Variants in DAO observed in about 807,000 individuals in gnomAD.
DAO encodes D-amino acid oxidase.
A neutral mutation model predicts 50.1 loss-of-function variants in DAO; 51 were observed. The ratio of observed to expected loss-of-function variants is 1.02; its 90% confidence interval spans 0.81 to 1.29. The LOEUF (loss-of-function observed/expected upper bound fraction) is 1.29. Ranked by LOEUF, DAO falls within the 50% of genes most tolerant of loss-of-function variation. The probability of loss-of-function intolerance (pLI) is 0.00; values close to 1 mark genes in which losing one functional copy is unlikely to be tolerated. For synonymous variants in DAO, 160 were observed against 166.2 expected, an observed-to-expected ratio of 0.96 and a Z score of 0.29; for missense variants, 436 against 439.4, an observed-to-expected ratio of 0.99 and a Z score of 0.07.
chr12:108,899,643 A>G (rs2039600741), intron 10 of DAO, 168 bp downstream of exon 10: 1 of 689,948 alleles, frequency 1.4e-6, no homozygotes, highest in African/African-American at 1.8e-5. Flanking sequence ...CTGAGGCTCA[A>G]TGATGGTTAA....
intron 1 of DAO, among the ~76,000 whole-genome samples, chr12:108,881,946 T>C (rs1162427350): frequency 1.3e-5 from 2 of 152,064 alleles, no homozygotes; most frequent in Admixed American, 1.3e-4. Context: ...ACTCTAAAAA[T>C]TCCTACAGGC....
At chr12:108,887,372 C>T in intron 2 of DAO, 78 bp from the exon 3 acceptor site, 2 of 1,022,948 alleles carry the variant, frequency 2.0e-6, no homozygotes, top group Non-Finnish European at 3.1e-6. Context: ...GATCATGCCA[C>T]AGCCCCATGC....
Position 108,899,335 on chromosome 12 carries a change from A to G in DAO, c.814-42A>G. The stretch of plus-strand genomic sequence containing the variant: ...CTACTACCTAAAAATGGCAGCAGGA[A>G]AAAAAAATCCAGAAATGAGTGATCA... On this transcript the variant is annotated intron_variant, in intron 9 of 10. Coordinates refer to ENST00000228476, the MANE Select transcript of DAO (RefSeq NM_001917.5). 2.6e-6 allele frequency: 4 copies of G among 1,546,598 alleles called. No homozygotes were observed. The South Asian group carries it at 3.4e-5, about 13-fold the overall frequency.
chr12:108,881,491 A>G (rs1342528798), intron 1 of DAO, among the ~76,000 whole-genome samples: 1 of 150,086 alleles, frequency 6.7e-6, no homozygotes, highest in Admixed American at 6.6e-5. Flanking sequence ...ACACACACAC[A>G]CACACACACA....
intron 3 of DAO, 84 bp downstream of exon 3, chr12:108,887,648 A>G (rs1308245739): frequency 1.1e-5 from 11 of 967,116 alleles, no homozygotes; most frequent in Non-Finnish European, 1.9e-5. Context: ...TTAATCACAG[A>G]TGAGGGCGGG....
chr12:108,885,393 G>C (rs2039425363), intron 2 of DAO, among the ~76,000 whole-genome samples, 193 bp downstream of exon 2: 1 of 152,166 alleles, frequency 6.6e-6, no homozygotes, highest in Non-Finnish European at 1.5e-5. Flanking sequence ...AGGATCACTT[G>C]AGGCCAGGAG....
intron 1 of DAO, among the ~76,000 whole-genome samples, chr12:108,883,426 G>A (rs1203336663): frequency 2.6e-5 from 4 of 152,210 alleles, no homozygotes; most frequent in Non-Finnish European, 5.9e-5. Context: ...GATTACAGGC[G>A]TAAGCCACTG....
rs1485719146 is a variant in DAO, at chr12:108,887,576, G to A, written c.309+12G>A. On this transcript the variant is annotated intron_variant, in intron 3 of 10. Transcript: ENST00000228476. ...ATGAAGCCATTCCGGTGGGTGAACA[G>A]TTCTTGACCATGAGGGATGAGCACC... is the stretch of plus-strand genomic sequence containing the variant. 1.3e-6 allele frequency: 2 copies of A among 1,592,750 alleles called. No individual in the cohort carries two copies. Among genetic ancestry groups the A allele is most frequent in the Non-Finnish European group, 1.7e-6 (2 of 1,160,840 alleles).
chr12:108,890,828 T>C (rs992850431), intron 5 of DAO, among the ~76,000 whole-genome samples: 69 of 152,334 alleles, frequency 4.5e-4, no homozygotes, highest in Non-Finnish European at 8.7e-4. Flanking sequence ...ATACCTTTTT[T>C]GTGTGTGTGA....
intron 7 of DAO, among the ~76,000 whole-genome samples, chr12:108,895,150 G>A (rs531474062): frequency 7.4e-5 from 11 of 148,846 alleles, no homozygotes; most frequent in Non-Finnish European, 1.2e-4. Context: ...ACGGTAGTAC[G>A]CAGTGCAATT....
intron 8 of DAO, among the ~76,000 whole-genome samples, chr12:108,897,760 C>A (rs1383591681): frequency 1.3e-5 from 2 of 151,984 alleles, no homozygotes; most frequent in African/African-American, 2.4e-5. Context: ...CCAGCTTGGG[C>A]AACATGGCAA....
In DAO at chr12:108,900,736, C is replaced by A; in HGVS notation, c.*201C>A. 1.8e-6 allele frequency: 1 copy of A among 553,556 alleles called. No individual in the cohort carries two copies. The allele number at this position is 553,556 out of a possible 1,614,324, so 34.3% of individuals were successfully genotyped here. ...CCCTCTCATCACTGAAATCCCTCTA[C>A]CTTCTCTGGGTCTGGCATTATAAAG... On this transcript the variant is annotated 3_prime_UTR_variant, in exon 11 of 11. Coordinates refer to ENST00000228476, the MANE Select transcript of DAO (RefSeq NM_001917.5).
At position 108,880,146 on chromosome 12, in the gene DAO, A is replaced by C. The variant is rs1211970527; in HGVS notation, c.-88A>C. 1 of 456,692 alleles carries C rather than the reference A, an allele frequency of 2.2e-6. No homozygotes were observed. The highest frequency in any genetic ancestry group is 2.3e-5 in the Admixed American group (1 of 42,580). 28.3% of individuals were successfully genotyped at this position (456,692 alleles called of 1,614,324 possible). A position where few individuals can be genotyped will look rare whatever the true frequency, so the allele number is the denominator to read the frequency against. On this transcript the variant is annotated 5_prime_UTR_variant, in exon 1 of 11. Transcript: ENST00000228476. ...GCTGGAAACAAGACGCTCCAGAATCAGGAGCTTCCCCTCAGGAAATAGCAT... is the reference window on the plus strand; with the variant it reads ...GCTGGAAACAAGACGCTCCAGAATCCGGAGCTTCCCCTCAGGAAATAGCAT...
chr12:108,898,564 T>G, intron 8 of DAO, 115 bp from the exon 9 acceptor site: 1 of 786,852 alleles, frequency 1.3e-6, no homozygotes, highest in Non-Finnish European at 2.3e-6. Flanking sequence ...ACAGTGGCAA[T>G]TGAGGTAGTG....
chr12:108,880,495 A>G (rs1369030267), intron 1 of DAO: 2 of 252,412 alleles, frequency 7.9e-6, no homozygotes, highest in African/African-American at 2.2e-5. Flanking sequence ...GAGGTGGTGC[A>G]TGTAAAGTGC....
At chr12:108,880,821 G>A (rs754159373) in intron 1 of DAO, among the ~76,000 whole-genome samples, 3 of 152,004 alleles carry the variant, frequency 2.0e-5, no homozygotes, top group Admixed American at 6.6e-5. Context: ...GAGGTCCTAG[G>A]CAGATAAATG....
At chr12:108,884,890 C>A in intron 1 of DAO, 108 bp from the exon 2 acceptor site, 1 of 1,018,534 alleles carries the variant, frequency 9.8e-7, no homozygotes, top group Non-Finnish European at 1.6e-6. Context: ...ATAAAAAGGG[C>A]TTGGTGGTGT....
At chr12:108,886,858 C>T (rs1461739762) in intron 2 of DAO, among the ~76,000 whole-genome samples, 2 of 152,182 alleles carry the variant, frequency 1.3e-5, no homozygotes, top group Non-Finnish European at 2.9e-5. Context: ...ATGGCTCTGC[C>T]GTTTTTCCAC....
Position 108,900,628 on chromosome 12 carries a change from C to A in DAO, c.*93C>A. On this transcript the variant is annotated 3_prime_UTR_variant, in exon 11 of 11. Coordinates refer to ENST00000228476, the MANE Select transcript of DAO (RefSeq NM_001917.5). ...CTCCTTCATAAGCCATTGCTTCTCC[C>A]TCACTTCTTTCCTCAAAGAAGCATG... The A allele has an allele frequency of 6.5e-7, 1 of 1,537,358 alleles. No homozygotes were observed. The highest frequency in any genetic ancestry group is 2.3e-5 in the East Asian group (1 of 43,744).
Sources: allele counts gnomAD v4.1 joint callset (sites outside exome capture counted in the v4.1 genomes callset), GRCh38; gene constraint gnomAD v4.1.1; transcripts MANE v1.5; gene names NCBI Gene and HGNC (gene_info 2026-07-23, HGNC 2026-07-21).